FRMPD2: variants seen among roughly 807,000 people sequenced by gnomAD.
FRMPD2 encodes the protein FERM and PDZ domain-containing protein 2.
A neutral mutation model predicts 140.1 loss-of-function variants in FRMPD2; 96 were observed. That is an observed-to-expected ratio of 0.69 (90% CI 0.58 to 0.81). The LOEUF is 0.81. Among genes scored for constraint, FRMPD2 ranks in the 40% least tolerant of loss-of-function variants. The probability of loss-of-function intolerance (pLI) is 0.00; values close to 1 mark genes in which losing one functional copy is unlikely to be tolerated. For missense variants in FRMPD2, 1,240 were observed against 1,447.4 expected, an observed-to-expected ratio of 0.86 and a Z score of 2.32; for synonymous variants, 449 against 547.6, an observed-to-expected ratio of 0.82 and a Z score of 2.52.
chr10:48,187,252 T>A lies in FRMPD2; in HGVS notation c.2206A>T (p.Ile736Phe). The change falls in exon 17 of 29, where the codon ATC (isoleucine) becomes TTC (phenylalanine). Residue 736 changes from isoleucine (I) to phenylalanine (F), a missense_variant. By Grantham distance (21) the Ile-to-Phe change is conservative (BLOSUM62 0). Around this residue, in one of 6 missense-constraint regions of FRMPD2, gnomAD observed 1,161 missense variants for 1,055.9 expected, o/e 1.10. Coordinates refer to ENST00000374201, the MANE Select transcript of FRMPD2 (RefSeq NM_001018071.4). The part of the protein sequence containing the change: ...GREQLKSACV[I>F]QKPMTWDSLS... ...GAGTCCCAGGTCATTGGCTTCTGGA[T>A]CACACAGGCACTCTTCAGCTGCTCC... 1.2e-6 allele frequency: 2 copies of A among 1,614,068 alleles called. No individual in the cohort carries two copies. The highest frequency in any genetic ancestry group is 1.7e-6 in the Non-Finnish European group (2 of 1,180,010).
chr10:48,167,792 A>T (rs1417136808), intron 27 of FRMPD2, among the ~76,000 whole-genome samples: 4 of 152,336 alleles, frequency 2.6e-5, no homozygotes, highest in East Asian at 1.9e-4. Flanking sequence ...TTGACATTTA[A>T]ATCAGCAAAC....
intron 10 of FRMPD2, among the ~76,000 whole-genome samples, chr10:48,231,410 C>G (rs1015891990): frequency 1.3e-5 from 2 of 152,234 alleles, no homozygotes; most frequent in African/African-American, 2.4e-5. Context: ...GCCACTCACA[C>G]AAGAACACTT....
chr10:48,160,245 C>T (rs2564830), intron 28 of FRMPD2, among the ~76,000 whole-genome samples: 22 of 151,542 alleles, frequency 1.5e-4, no homozygotes, highest in South Asian at 2.1e-4. Context: ...TACTACTAGA[C>T]GGTAAAATCT....
chr10:48,230,414 G>A (rs941862059), intron 10 of FRMPD2, among the ~76,000 whole-genome samples: 8 of 152,204 alleles, frequency 5.3e-5, no homozygotes, highest in African/African-American at 1.7e-4. Context: ...GCCAAACTGA[G>A]GTTTGTCTTG....
At chr10:48,256,264 C>T (rs545402915) in intron 1 of FRMPD2, among the ~76,000 whole-genome samples, 4 of 152,170 alleles carry the variant, frequency 2.6e-5, no homozygotes, top group African/African-American at 7.2e-5. Context: ...TAGACAGCTG[C>T]CCAGTCAATC....
intron 13 of FRMPD2, among the ~76,000 whole-genome samples, chr10:48,210,001 T>C (rs1293417293): frequency 2.0e-5 from 3 of 152,188 alleles, no homozygotes; most frequent in Non-Finnish European, 4.4e-5. Context: ...TAATTTTAAA[T>C]ATATATGCAT....
At chr10:48,159,840 A>G (rs1377846274) in intron 28 of FRMPD2, among the ~76,000 whole-genome samples, 3 of 151,640 alleles carry the variant, frequency 2.0e-5, no homozygotes, top group African/African-American at 4.9e-5. Context: ...CCAACTTTCC[A>G]ACCGATAAGT....
intron 1 of FRMPD2, among the ~76,000 whole-genome samples, chr10:48,252,678 G>T (rs1840412162): frequency 6.6e-6 from 1 of 152,136 alleles, no homozygotes; most frequent in East Asian, 1.9e-4. Flanking sequence ...CTCTCCCTGG[G>T]GCAGAAAGGG....
At chr10:48,262,589 AC>A (rs1326396138) in intron 1 of FRMPD2, among the ~76,000 whole-genome samples, 13 of 152,164 alleles carry the variant, frequency 8.5e-5, no homozygotes, top group Admixed American at 7.9e-4. Flanking sequence ...GATCCAGCAG[AC>A]AGAAAATCAG....
intron 16 of FRMPD2, among the ~76,000 whole-genome samples, chr10:48,192,336 C>T (rs1403416996): frequency 6.6e-6 from 1 of 152,144 alleles, no homozygotes; most frequent in Non-Finnish European, 1.5e-5. Context: ...AATCCTAGCA[C>T]TTTGGGAGGC....
At chr10:48,274,443 C>A in intron 1 of FRMPD2, 100 bp downstream of exon 1, 3 of 1,046,878 alleles carry the variant, frequency 2.9e-6, no homozygotes, top group Admixed American at 3.7e-5. Flanking sequence ...GGTCCTTGCC[C>A]AGCTGTGTTC....
intron 13 of FRMPD2, 125 bp downstream of exon 13, chr10:48,211,829 C>T (rs1839329083): frequency 2.4e-6 from 2 of 820,128 alleles, no homozygotes; most frequent in Non-Finnish European, 3.6e-6. Flanking sequence ...TCCTAGAGTT[C>T]CACCCTTGCT....
chr10:48,235,471 A>AG (rs1449289820), intron 9 of FRMPD2, among the ~76,000 whole-genome samples: 2 of 152,156 alleles, frequency 1.3e-5, no homozygotes, highest in East Asian at 3.9e-4. Context: ...TCCCCTTGAC[A>AG]GGGGGGTGCA....
intron 4 of FRMPD2, among the ~76,000 whole-genome samples, chr10:48,242,890 G>C (rs907576799): frequency 2.0e-5 from 3 of 152,154 alleles, no homozygotes; most frequent in African/African-American, 4.8e-5. Flanking sequence ...TGTACACATC[G>C]AGCAAAAGAA....
intron 17 of FRMPD2, 44 bp from the exon 18 acceptor site, chr10:48,185,689 T>C: frequency 4.8e-6 from 7 of 1,457,362 alleles, no homozygotes; most frequent in Non-Finnish European, 6.7e-6. Flanking sequence ...TTCCCCCAAA[T>C]TATTTGGGAG....
At chr10:48,264,362 G>T (rs899310419) in intron 1 of FRMPD2, among the ~76,000 whole-genome samples, 2 of 152,062 alleles carry the variant, frequency 1.3e-5, no homozygotes, top group East Asian at 3.8e-4. Context: ...TGATATGATT[G>T]TCCATGTATG....
chr10:48,268,446 T>G (rs557853730), intron 1 of FRMPD2, among the ~76,000 whole-genome samples: 1 of 152,350 alleles, frequency 6.6e-6, no homozygotes, highest in East Asian at 1.9e-4. Context: ...CATGTGAACG[T>G]GTGTGTTTTA....
At chr10:48,188,118 C>T (rs1838734777) in intron 16 of FRMPD2, among the ~76,000 whole-genome samples, 1 of 152,192 alleles carries the variant, frequency 6.6e-6, no homozygotes, top group African/African-American at 2.4e-5. Context: ...AGCCAAACAT[C>T]TGAGCAGATT....
intron 12 of FRMPD2, among the ~76,000 whole-genome samples, 174 bp from the exon 13 acceptor site, chr10:48,212,283 C>A (rs1005463679): frequency 1.3e-5 from 2 of 152,136 alleles, no homozygotes; most frequent in Non-Finnish European, 2.9e-5. Context: ...GGGGCCAAAC[C>A]CTAGGACATG....
Sources: gnomAD v4.1 joint callset for allele counts (sites outside exome capture counted in the v4.1 genomes callset) on GRCh38, gnomAD v4.1.1 for gene constraint, gnomAD v4.1.1 regional missense constraint, MANE v1.5 for transcripts, NCBI Gene and HGNC (gene_info 2026-07-23, HGNC 2026-07-21) for gene names.